SMCHD1: variants seen among roughly 807,000 people sequenced by gnomAD.
The protein encoded by SMCHD1 is structural maintenance of chromosomes flexible hinge domain containing 1, also known as structural maintenance of chromosomes flexible hinge domain-containing protein 1.
In SMCHD1, 78 loss-of-function variants were observed where a neutral mutation model predicts 254.7. That is an observed-to-expected ratio of 0.31 (90% CI 0.26 to 0.37). The LOEUF (loss-of-function observed/expected upper bound fraction) is 0.37. SMCHD1 is among the 10% of genes least tolerant of loss of function. SMCHD1 has a pLI of 1.00. For missense variants in SMCHD1, 1,840 were observed against 2,408.1 expected, an observed-to-expected ratio of 0.76 and a Z score of 4.94; for synonymous variants, 766 against 794.9, an observed-to-expected ratio of 0.96 and a Z score of 0.61.
chr18:2,678,669 T>A, intron 5 of SMCHD1, among the ~76,000 whole-genome samples: 1 of 152,112 alleles, frequency 6.6e-6, no homozygotes, highest in Non-Finnish European at 1.5e-5. Context: ...GTTTATTTCT[T>A]CATGTGTATT....
intron 26 of SMCHD1, 35 bp downstream of exon 26, chr18:2,738,580 A>G: frequency 6.4e-7 from 1 of 1,564,580 alleles, no homozygotes; most frequent in Non-Finnish European, 8.7e-7. Context: ...AGCCTATGGC[A>G]ACAAAATACT....
intron 12 of SMCHD1, among the ~76,000 whole-genome samples, chr18:2,703,111 A>G (rs925311683): frequency 2.0e-5 from 3 of 152,232 alleles, no homozygotes; most frequent in African/African-American, 4.8e-5. Flanking sequence ...AAAAGAGAAA[A>G]TTAAAAAGAA....
In SMCHD1 at chr18:2,762,088, CTCT is replaced by C. The variant is rs778161767; in HGVS notation, c.4435-15_4435-13del. The C allele has an allele frequency of 1.2e-6, 2 of 1,609,936 alleles. No homozygotes were observed. Among genetic ancestry groups the C allele is most frequent in the African/African-American group, 2.7e-5 (2 of 74,942 alleles). On this transcript the variant is annotated splice_polypyrimidine_tract_variant and intron_variant, in intron 35 of 47. Coordinates refer to ENST00000320876, the MANE Select transcript of SMCHD1 (RefSeq NM_015295.3). ...ATCAATATATTGTTAATCAGAATGT[CTCT>C]TTTGTTTTGTAAGGTTATAGTTGAA...
Position 2,743,872 on chromosome 18 carries a change from C to G in SMCHD1, c.3745C>G (p.Leu1249Val). 3.1e-6 allele frequency: 5 copies of G among 1,613,214 alleles called. No individual in the cohort carries two copies. The highest frequency in any genetic ancestry group is 4.2e-6 in the Non-Finnish European group (5 of 1,179,564). The change falls in exon 29 of 48, where the codon CTA becomes GTA. Residue 1249 changes from leucine (L) to valine (V), a missense_variant. Physicochemically the swap from Leu to Val is conservative, Grantham distance 32. This residue lies in a region of SMCHD1 where 881 missense variants were observed against 1,009.5 expected (regional missense o/e 0.87). Transcript: ENST00000320876. ...REFSDFIRVQ[L>V]ISGPPAKLLL... ...GTTTTCTGACTTTATTCGAGTGCAA[C>G]TAATTTCTGGACCTCCTGCTAAACT...
chr18:2,776,389 AT>A (rs71365200), intron 42 of SMCHD1, among the ~76,000 whole-genome samples: 20 of 148,050 alleles, frequency 1.4e-4, no homozygotes, highest in Non-Finnish European at 1.3e-4. Context: ...GCCCAGCTAA[AT>A]TTTTTTTTTT....
In SMCHD1 at chr18:2,707,862, A is replaced by G; in HGVS notation, c.2202A>G (p.Pro734=). Residue 734 remains proline (P), a synonymous_variant, in exon 17 of 48, where the codon CCA becomes CCG. Transcript: ENST00000320876. ...AAGGGGAAGCAATGCAAAAGCTTCCAGGAACAAGCCATGGAGGGTCAAAGA... is the reference window on the plus strand; with the variant it reads ...AAGGGGAAGCAATGCAAAAGCTTCCGGGAACAAGCCATGGAGGGTCAAAGA... The part of the protein sequence containing the change: ...NKKGEAMQKL[P]GTSHGGSKKL... 6.2e-7 allele frequency: 1 copy of G among 1,609,854 alleles called. No individual in the cohort carries two copies. The highest frequency in any genetic ancestry group is 2.2e-5 in the East Asian group (1 of 44,820).
intron 45 of SMCHD1, among the ~76,000 whole-genome samples, chr18:2,791,447 G>T (rs575160665): frequency 6.6e-6 from 1 of 152,252 alleles, no homozygotes; most frequent in East Asian, 1.9e-4. Flanking sequence ...CTGGTGGCTC[G>T]CTCCTTTAGT....
At chr18:2,705,316 TA>T (rs1414267607) in intron 13 of SMCHD1, among the ~76,000 whole-genome samples, 1 of 152,092 alleles carries the variant, frequency 6.6e-6, no homozygotes, top group Non-Finnish European at 1.5e-5. Context: ...ATTTGAAAAA[TA>T]ATATTAACTT....
chr18:2,748,342 T>TGTG (rs2075498296), intron 30 of SMCHD1, among the ~76,000 whole-genome samples: 18 of 78,430 alleles, frequency 2.3e-4, no homozygotes, highest in Admixed American at 1.0e-3. Flanking sequence ...CTTTGCAAAG[T>TGTG]TGTGTGTGTG....
intron 5 of SMCHD1, among the ~76,000 whole-genome samples, chr18:2,682,007 T>C (rs1598306835): frequency 6.6e-6 from 1 of 152,344 alleles, no homozygotes; most frequent in East Asian, 1.9e-4. Flanking sequence ...GCTTTTGTTT[T>C]CTAATATTTG....
Position 2,775,796 on chromosome 18 carries a change from A to G in SMCHD1, c.5238A>G (p.Ala1746=), listed in dbSNP as rs1268352457. ...CGATGGTTATTTCTTGGCATCTGGCAAGTGACATGGACTGTGTAGTCACCC... is the reference window on the plus strand; with the variant it reads ...CGATGGTTATTTCTTGGCATCTGGCGAGTGACATGGACTGTGTAGTCACCC... ...RAAMVISWHL[A]SDMDCVVTLT... Residue 1746 remains alanine (A), a synonymous_variant, in exon 42 of 48, where the codon GCA becomes GCG. Transcript: ENST00000320876. The G allele has an allele frequency of 6.2e-7, 1 of 1,613,518 alleles. No individual in the cohort carries two copies.
chr18:2,656,296 G>C (rs1177438672), intron 1 of SMCHD1, 35 bp downstream of exon 1: 5 of 1,440,132 alleles, frequency 3.5e-6, no homozygotes, highest in East Asian at 5.5e-5. Context: ...TGCGCGTGTA[G>C]ACTTGGGGGC....
Position 2,752,547 on chromosome 18 carries a change from T to C in SMCHD1, c.4341T>C (p.Tyr1447=). The part of the protein sequence containing the change: ...KDNDKEDGCF[Y]FRDKVIPNKV... Reference sequence around the variant, plus strand: ...ATGACAAAGAAGATGGCTGCTTCTATTTCAGGTATTTCTCAAAACATTTCA... The same window carrying C: ...ATGACAAAGAAGATGGCTGCTTCTACTTCAGGTATTTCTCAAAACATTTCA... Residue 1447 remains tyrosine, a synonymous_variant, in exon 34 of 48, where the codon TAT becomes TAC. Transcript: ENST00000320876. 1 of 1,550,790 alleles carries C rather than the reference T, an allele frequency of 6.4e-7. No individual in the cohort carries two copies. The highest frequency in any genetic ancestry group is 8.9e-7 in the Non-Finnish European group (1 of 1,123,464).
chr18:2,789,212 T>A (rs1011993760), intron 45 of SMCHD1, among the ~76,000 whole-genome samples: 61 of 151,528 alleles, frequency 4.0e-4, no homozygotes, highest in Non-Finnish European at 6.2e-4. Context: ...TATTATTTTT[T>A]TTTTTTTTTG....
At chr18:2,656,896 A>G (rs1298062692) in intron 1 of SMCHD1, among the ~76,000 whole-genome samples, 1 of 152,172 alleles carries the variant, frequency 6.6e-6, no homozygotes, top group African/African-American at 2.4e-5. Context: ...GGAATTTCCA[A>G]ACCAAGTCAA....
intron 30 of SMCHD1, 23 bp from the exon 31 acceptor site, chr18:2,750,020 A>ATTTTG (rs759450941): frequency 8.5e-6 from 13 of 1,537,692 alleles, no homozygotes; most frequent in East Asian, 2.4e-5. Flanking sequence ...CTAATTAACC[A>ATTTTG]TTTTGTTTTG....
Position 2,729,420 on chromosome 18 carries a change from A to G in SMCHD1, c.3048+11A>G. The G allele has an allele frequency of 6.7e-7, 1 of 1,492,246 alleles. No individual in the cohort carries two copies. The highest frequency in any genetic ancestry group is 8.9e-7 in the Non-Finnish European group (1 of 1,121,280). The allele number at this position is 1,492,246 out of a possible 1,614,324, so 92.4% of individuals were successfully genotyped here. On this transcript the variant is annotated intron_variant, in intron 24 of 47. Coordinates refer to ENST00000320876, the MANE Select transcript of SMCHD1 (RefSeq NM_015295.3). ...AGAATTGAAATACCTGTAAGTTATT[A>G]TTGTTACTCATTGATATTATATTGA... is the stretch of plus-strand genomic sequence containing the variant.
chr18:2,782,704 C>CACT (rs2076174562), intron 44 of SMCHD1, among the ~76,000 whole-genome samples: 1 of 132,838 alleles, frequency 7.5e-6, no homozygotes, highest in Non-Finnish European at 1.5e-5. Flanking sequence ...ATGGTCATGC[C>CACT]ACTGCACTCC....
chr18:2,707,986 T>G (rs556993291), intron 17 of SMCHD1, 66 bp downstream of exon 17: 1 of 979,866 alleles, frequency 1.0e-6, no homozygotes, highest in Non-Finnish European at 1.4e-6. Context: ...ATTAAATATC[T>G]TCATGTAATT....
Sources: gnomAD v4.1 joint callset for allele counts (sites outside exome capture counted in the v4.1 genomes callset) on GRCh38, gnomAD v4.1.1 for gene constraint, gnomAD v4.1.1 regional missense constraint, MANE v1.5 for transcripts, NCBI Gene and HGNC (gene_info 2026-07-23, HGNC 2026-07-21) for gene names.